Variants in SPRED1 observed in about 807,000 individuals in gnomAD.
SPRED1 encodes the protein sprouty related EVH1 domain containing 1.
A neutral mutation model predicts 52.3 loss-of-function variants in SPRED1; 18 were observed. The observed-to-expected ratio is 0.34, with a 90% CI of 0.24 to 0.51. SPRED1 has a LOEUF of 0.51. SPRED1 is among the 20% of genes least tolerant of loss of function. The probability of loss-of-function intolerance (pLI) is 0.97; values close to 1 mark genes in which losing one functional copy is unlikely to be tolerated. For missense variants in SPRED1, 485 were observed against 551.0 expected (o/e 0.88, Z 1.20); for synonymous variants, 155 against 179.7 (o/e 0.86, Z 1.10).
At chr15:38,285,483 T>G (rs180949995) in intron 1 of SPRED1, among the ~76,000 whole-genome samples, 2 of 152,266 alleles carry the variant, frequency 1.3e-5, no homozygotes, top group Admixed American at 1.3e-4. Context: ...ATACAGAATA[T>G]CTGGGAAGGG....
rs1895677013 is a variant in SPRED1, at chr15:38,324,768, C to G, written c.382C>G (p.Pro128Ala). The change falls in exon 4 of 7, where the codon CCC becomes GCC. Residue 128 changes from proline (P) to alanine (A), a missense_variant. Pro to Ala is a conservative substitution (Grantham distance 27). Around this residue, in one of 5 missense-constraint regions of SPRED1, gnomAD observed 232 missense variants for 231.8 expected, o/e 1.00. Coordinates refer to ENST00000299084, the MANE Select transcript of SPRED1 (RefSeq NM_152594.3). ...RAIEDISQGC[P>A]ESKNEAEGAD... ...ACTTTTATCTATTTTCTTAGGATGC[C>G]CCGAATCAAAAAATGAAGCTGAAGG... The G allele has an allele frequency of 6.2e-7, 1 of 1,608,324 alleles. No individual in the cohort carries two copies. The highest frequency in any genetic ancestry group is 8.5e-7 in the Non-Finnish European group (1 of 1,177,416).
rs1895920418 is a variant in SPRED1 at position 38,336,429 on chromosome 15, TA to T, written c.424-3307del. ...GTGTATGTGTATGTGTGTGTATATA[TA>T]TATATAATATTATATATATGTTATA... On this transcript the variant is annotated intron_variant, in intron 4 of 6. Coordinates refer to ENST00000299084, the MANE Select transcript of SPRED1 (RefSeq NM_152594.3). Among the ~76,000 whole-genome samples the T allele has an allele frequency of 1.1e-4, 6 of 53,522 alleles. No homozygotes were observed. In the Admixed American group the frequency reaches 1.2e-3, roughly 11 times the overall value. 35.1% of individuals were successfully genotyped at this position (53,522 alleles called of 152,430 possible). A position where few individuals can be genotyped will look rare whatever the true frequency, so the allele number is the denominator to read the frequency against.
chr15:38,331,925 AT>A (rs1275525516), intron 4 of SPRED1, among the ~76,000 whole-genome samples: 1 of 152,226 alleles, frequency 6.6e-6, no homozygotes. Flanking sequence ...AAAGAAGTAC[AT>A]TACAATGCAT....
chr15:38,277,795 A>G (rs1894589531), intron 1 of SPRED1, among the ~76,000 whole-genome samples: 1 of 152,000 alleles, frequency 6.6e-6, no homozygotes, highest in Admixed American at 6.6e-5. Context: ...TTGACTTTTT[A>G]AGAATAGCTA....
chr15:38,281,056 C>A (rs918404944), intron 1 of SPRED1, among the ~76,000 whole-genome samples: 1 of 152,150 alleles, frequency 6.6e-6, no homozygotes, highest in Non-Finnish European at 1.5e-5. Flanking sequence ...GAGTTGATCA[C>A]TGAAATATTA....
intron 1 of SPRED1, among the ~76,000 whole-genome samples, chr15:38,265,516 A>G (rs1894289966): frequency 1.3e-5 from 2 of 152,166 alleles, no homozygotes; most frequent in Non-Finnish European, 2.9e-5. Context: ...AACATTAGAA[A>G]AAAATTTATA....
chr15:38,271,606 G>C (rs1215349117), intron 1 of SPRED1, among the ~76,000 whole-genome samples: 1 of 152,076 alleles, frequency 6.6e-6, no homozygotes, highest in Admixed American at 6.6e-5. Flanking sequence ...TCTTTCCATC[G>C]TGCAGTTCTC....
intron 1 of SPRED1, among the ~76,000 whole-genome samples, chr15:38,275,746 C>G (rs542963731): frequency 6.6e-6 from 1 of 152,252 alleles, no homozygotes; most frequent in East Asian, 1.9e-4. Flanking sequence ...TCCACCCACC[C>G]CGGCCTCCCA....
chr15:38,294,270 C>T (rs1264924174), intron 1 of SPRED1, among the ~76,000 whole-genome samples: 1 of 152,088 alleles, frequency 6.6e-6, no homozygotes, highest in Non-Finnish European at 1.5e-5. Flanking sequence ...AAATATGCCT[C>T]AATGGATAAA....
At chr15:38,328,886 G>A (rs1045923488) in intron 4 of SPRED1, among the ~76,000 whole-genome samples, 1 of 151,776 alleles carries the variant, frequency 6.6e-6, no homozygotes. Flanking sequence ...GCTAATTTTT[G>A]TATCTTTTTG....
At chr15:38,347,132 T>C (rs773415106) in intron 5 of SPRED1, among the ~76,000 whole-genome samples, 17 of 152,170 alleles carry the variant, frequency 1.1e-4, no homozygotes, top group Non-Finnish European at 2.1e-4. Flanking sequence ...TTCCCTATCC[T>C]CATCTTAAAG....
chr15:38,290,815 C>T (rs1398404370), intron 1 of SPRED1, among the ~76,000 whole-genome samples: 1 of 152,148 alleles, frequency 6.6e-6, no homozygotes. Context: ...CCTCCTACAA[C>T]ATGTGGGAAT....
Position 38,299,522 on chromosome 15 carries a change from G to A in SPRED1, c.182G>A (p.Arg61His), listed in dbSNP as rs750686148. 28 of 1,613,798 alleles carry A rather than the reference G, an allele frequency of 1.7e-5. No homozygotes were observed. Among genetic ancestry groups the A allele is most frequent in the South Asian group, 7.7e-5 (7 of 91,082 alleles). ...AATGGCTGTGCTGACTTTTTTATCCGTGGAGAGCGACTCAGGGACAAAATG... is the reference window on the plus strand; with the variant it reads ...AATGGCTGTGCTGACTTTTTTATCCATGGAGAGCGACTCAGGGACAAAATG... ...EENGCADFFI[R>H]GERLRDKMVV... The change falls in exon 2 of 7, where the codon CGT becomes CAT. Residue 61 changes from arginine (R) to histidine (H), a missense_variant. Arg to His is a conservative substitution (Grantham distance 29). Coordinates refer to ENST00000299084, the MANE Select transcript of SPRED1 (RefSeq NM_152594.3).
chr15:38,270,202 C>G (rs961002691), intron 1 of SPRED1, among the ~76,000 whole-genome samples: 1 of 152,190 alleles, frequency 6.6e-6, no homozygotes, highest in Non-Finnish European at 1.5e-5. Context: ...CCACCATGCC[C>G]AGCCCAAATC....
intron 1 of SPRED1, among the ~76,000 whole-genome samples, chr15:38,259,032 T>G (rs1430764187): frequency 6.6e-6 from 1 of 152,236 alleles, no homozygotes; most frequent in Non-Finnish European, 1.5e-5. Flanking sequence ...TGATTTAGAC[T>G]TTGTTAATTT....
chr15:38,259,288 G>A (rs1297902468), intron 1 of SPRED1, among the ~76,000 whole-genome samples: 1 of 152,126 alleles, frequency 6.6e-6, no homozygotes, highest in Non-Finnish European at 1.5e-5. Flanking sequence ...GTCTTGCAGT[G>A]TTGTCCAGGC....
Position 38,351,493 on chromosome 15 carries a change from T to G in SPRED1, c.1164T>G (p.Ser388=), listed in dbSNP as rs1402906951. ...HCMSDSEGDF[S]DPCSCDTSDD... ...TGTCAGACTCAGAGGGAGATTTTTC[T>G]GATCCCTGTTCGTGTGACACTAGCG... Residue 388 remains serine, a synonymous_variant, in exon 7 of 7, where the codon TCT becomes TCG. Coordinates refer to ENST00000299084, the MANE Select transcript of SPRED1 (RefSeq NM_152594.3). 3 of 1,614,178 alleles carry G rather than the reference T, an allele frequency of 1.9e-6. No individual in the cohort carries two copies. The highest frequency in any genetic ancestry group is 2.5e-6 in the Non-Finnish European group (3 of 1,180,012).
intron 1 of SPRED1, among the ~76,000 whole-genome samples, chr15:38,288,474 A>G (rs1017048430): frequency 5.3e-5 from 8 of 152,164 alleles, no homozygotes; most frequent in African/African-American, 1.9e-4. Context: ...ATAAAACCAG[A>G]AAAAGAAATA....
chr15:38,335,245 ACG>A, intron 4 of SPRED1, among the ~76,000 whole-genome samples: 1 of 152,204 alleles, frequency 6.6e-6, no homozygotes, highest in Non-Finnish European at 1.5e-5. Flanking sequence ...CCTCTCCAGT[ACG>A]TGCCCAGTCT....
Sources: gnomAD v4.1 joint callset for allele counts (sites outside exome capture counted in the v4.1 genomes callset) on GRCh38, gnomAD v4.1.1 for gene constraint, gnomAD v4.1.1 regional missense constraint, MANE v1.5 for transcripts, NCBI Gene and HGNC (gene_info 2026-07-23, HGNC 2026-07-21) for gene names.